ASPA: variants seen among roughly 807,000 people sequenced by gnomAD.
ASPA encodes aspartoacylase.
In ASPA, 25 loss-of-function variants were observed where a neutral mutation model predicts 29.6. The observed-to-expected ratio is 0.85, with a 90% CI of 0.62 to 1.18. The LOEUF (loss-of-function observed/expected upper bound fraction) is 1.18, where lower values mean the gene tolerates loss of function less well. ASPA is among the 50% of genes most tolerant of loss of function. The probability of loss-of-function intolerance (pLI) is 0.00; values close to 1 mark genes in which losing one functional copy is unlikely to be tolerated. For synonymous variants in ASPA, 131 were observed against 130.3 expected (o/e 1.01, Z -0.04); for missense variants, 333 against 385.7 (o/e 0.86, Z 1.14).
chr17:3,479,945 G>T (rs1334741822), intron 1 of ASPA, among the ~76,000 whole-genome samples: 2 of 152,266 alleles, frequency 1.3e-5, no homozygotes, highest in East Asian at 3.9e-4. Context: ...TGGGGAGAGG[G>T]TAGAGGCCCA....
At chr17:3,475,702 C>T (rs543807642), upstream of ASPA, 11 of 179,384 alleles carry the variant, frequency 6.1e-5, no homozygotes, top group South Asian at 1.1e-3. Context: ...TTGAAATGCC[C>T]GTGGAAATAC....
chr17:3,495,279 T>C (rs532532272), intron 5 of ASPA, among the ~76,000 whole-genome samples: 2 of 152,314 alleles, frequency 1.3e-5, no homozygotes, highest in African/African-American at 2.4e-5. Context: ...CAACCCCGAC[T>C]AACCTTTACC....
chr17:3,498,024 C>G (rs1220182255), intron 5 of ASPA, among the ~76,000 whole-genome samples: 1 of 152,162 alleles, frequency 6.6e-6, no homozygotes, highest in Admixed American at 6.5e-5. Flanking sequence ...AGTTGTTACC[C>G]TAATGTAGGA....
Position 3,483,554 on chromosome 17 carries a change from A to T in ASPA, c.488A>T (p.Lys163Ile). 1.2e-6 allele frequency: 2 copies of T among 1,614,116 alleles called. No homozygotes were observed. The highest frequency in any genetic ancestry group is 1.7e-6 in the Non-Finnish European group (2 of 1,180,008). Residue 163 changes from lysine to isoleucine, a missense_variant, in exon 3 of 6, where the codon AAA becomes ATA. Transcript: ENST00000263080. ...YVYLIEHPSL[K>I]YATTRSIAKY... is the part of the protein sequence containing the mutation. ...TATCTGATTGAGCATCCTTCCCTCA[A>T]ATATGCGACCACTCGTTCCATAGCC...
At chr17:3,479,497 G>A (rs12601330) in intron 1 of ASPA, among the ~76,000 whole-genome samples, 21,995 of 152,196 alleles carry the variant, frequency 0.14, 1,648 homozygotes, top group Middle Eastern at 0.23. Context: ...TCCAGAAGTA[G>A]GCTGTCCAGG....
intron 3 of ASPA, 60 bp downstream of exon 3, chr17:3,483,652 A>G (rs1316236831): frequency 1.4e-6 from 2 of 1,462,268 alleles, no homozygotes; most frequent in East Asian, 4.5e-5. Flanking sequence ...AAACTCAGAG[A>G]AATTTATTTT....
At chr17:3,494,610 G>A (rs1032253963) in intron 5 of ASPA, 151 bp downstream of exon 5, 9 of 691,890 alleles carry the variant, frequency 1.3e-5, no homozygotes, top group East Asian at 5.5e-5. Context: ...TCGGACTGTC[G>A]CTCAATAAAT....
chr17:3,482,968 A>G (rs2073659218), intron 2 of ASPA, among the ~76,000 whole-genome samples: 1 of 116,096 alleles, frequency 8.6e-6, no homozygotes, highest in Non-Finnish European at 1.6e-5. Context: ...TTCATTGCCT[A>G]TTGAAGAGAG....
At chr17:3,475,444 A>G (rs970732892), upstream of ASPA, 2 of 152,310 alleles carry the variant, frequency 1.3e-5, no homozygotes, top group Non-Finnish European at 2.9e-5. Flanking sequence ...ATTCATAAGT[A>G]AGTTAACACA....
intron 5 of ASPA, 95 bp from the exon 6 acceptor site, chr17:3,498,796 G>T: frequency 1.7e-6 from 2 of 1,204,326 alleles, no homozygotes; most frequent in East Asian, 2.6e-5. Context: ...TAAAACAACA[G>T]AATACTGTAA....
chr17:3,475,107 A>G (rs1198275239), upstream of ASPA, among the ~76,000 whole-genome samples: 1 of 152,260 alleles, frequency 6.6e-6, no homozygotes, highest in Non-Finnish European at 1.5e-5. Context: ...ACCTGGCGTT[A>G]CTAGTACATG....
rs1303623546 is a variant in ASPA, at chr17:3,489,290, A to G, written c.582A>G (p.Gln194=). 2 of 1,613,334 alleles carry G rather than the reference A, an allele frequency of 1.2e-6. No individual in the cohort carries two copies. Among genetic ancestry groups the G allele is most frequent in the South Asian group, 1.1e-5 (1 of 91,040 alleles). Residue 194 remains glutamine (Q), a synonymous_variant, in exon 4 of 6, where the codon CAA becomes CAG. Coordinates refer to ENST00000263080, the MANE Select transcript of ASPA (RefSeq NM_000049.4). ...QGVLRADILD[Q]MRKMIKHALD... ...TTCTGAGAGCTGATATCTTGGATCA[A>G]ATGAGAAAAATGATTAAACATGCTC...
At position 3,500,084 on chromosome 17, in the gene ASPA, A is replaced by G. The variant is rs2073971952; in HGVS notation, c.*996A>G. 6.6e-6 allele frequency: 1 copy of G among 152,232 alleles called. No individual in the cohort carries two copies. The highest frequency in any genetic ancestry group is 2.4e-5 in the African/African-American group (1 of 41,462). 9.4% of individuals were successfully genotyped at this position (152,232 alleles called of 1,614,324 possible). On this transcript the variant is annotated 3_prime_UTR_variant, in exon 6 of 6. Coordinates refer to ENST00000263080, the MANE Select transcript of ASPA (RefSeq NM_000049.4). ...AACCAGCCACACATTAAGCCAAAGC[A>G]TGACCCACAGCAAGGCCCTAACTCT...
rs754087904 is a variant in ASPA, at chr17:3,481,798, G to A, written c.432G>A (p.Lys144=). The change falls in exon 2 of 6, where the codon AAG becomes AAA. Residue 144 remains lysine, a splice_region_variant and synonymous_variant. Coordinates refer to ENST00000263080, the MANE Select transcript of ASPA (RefSeq NM_000049.4). ...TAATTCAGATGTTTCATTACATTAA[G>A]GTAATGTTAATGTTATTAATTTATA... ...NFLIQMFHYI[K]TSLAPLPCYV... The A allele has an allele frequency of 8.2e-6, 13 of 1,586,074 alleles. No homozygotes were observed. The highest frequency in any genetic ancestry group is 1.0e-5 in the Non-Finnish European group (12 of 1,158,820).
Position 3,485,026 on chromosome 17 carries a change from T to A in ASPA, c.526+1434T>A, listed in dbSNP as rs1443694800. 6.6e-6 allele frequency among the ~76,000 whole-genome samples: 1 copy of A among 151,800 alleles called. No homozygotes were observed. The highest frequency in any genetic ancestry group is 1.5e-5 in the Non-Finnish European group (1 of 67,962). ...CATCATTCACAGTAGGGTTTTGTTT[T>A]GTTTTTTTTCTGGAAAAGGGTCTCA... On this transcript the variant is annotated intron_variant, in intron 3 of 5. Coordinates refer to ENST00000263080, the MANE Select transcript of ASPA (RefSeq NM_000049.4). This position sits in a 1 kb window ranked among gnomAD's most constrained non-coding sequence, Gnocchi z 4.4.
rs1038052104 is a variant in ASPA at position 3,493,333 on chromosome 17, C to G, written c.635-1017C>G. Among the ~76,000 whole-genome samples, 3 of 152,028 alleles carry G rather than the reference C, an allele frequency of 2.0e-5. No homozygotes were observed. In the East Asian group the frequency reaches 5.8e-4, roughly 29 times the overall value. ...ATCCCAGCACTTGGGGAGGCTGAGG[C>G]GGGCGGATCACAAGGTCAAGAAATC... On this transcript the variant is annotated intron_variant, in intron 4 of 5. Transcript: ENST00000263080.
Position 3,488,818 on chromosome 17 carries a change from C to T in ASPA, c.527-417C>T, listed in dbSNP as rs1023313553. ...CTGTGAAATCTATAAAAATAGATGT[C>T]CTTCCTCCCGTCACAGCTAAATGTT... On this transcript the variant is annotated intron_variant, in intron 3 of 5. Transcript: ENST00000263080. This position sits in a 1 kb window ranked among gnomAD's most constrained non-coding sequence, Gnocchi z 6.1. Among the ~76,000 whole-genome samples, 5 of 152,164 alleles carry T rather than the reference C, an allele frequency of 3.3e-5. No individual in the cohort carries two copies. Among genetic ancestry groups the T allele is most frequent in the African/African-American group, 1.2e-4 (5 of 41,426 alleles).
chr17:3,484,122 C>T (rs763337700), intron 3 of ASPA, among the ~76,000 whole-genome samples: 23 of 152,312 alleles, frequency 1.5e-4, no homozygotes, highest in Admixed American at 2.6e-4. Context: ...TGCTGTAATG[C>T]TTGGCCCTTC....
chr17:3,486,177 A>G (rs1597435483), intron 3 of ASPA, among the ~76,000 whole-genome samples: 1 of 151,748 alleles, frequency 6.6e-6, no homozygotes, highest in Admixed American at 6.6e-5. Flanking sequence ...CAGGTGATCC[A>G]CCCGCCTCGG....
Sources: allele counts gnomAD v4.1 joint callset (sites outside exome capture counted in the v4.1 genomes callset), GRCh38; gene constraint gnomAD v4.1.1; non-coding constraint Gnocchi (gnomAD v3.1); transcripts MANE v1.5; gene names NCBI Gene and HGNC (gene_info 2026-07-23, HGNC 2026-07-21).